AHRR: variants seen among roughly 807,000 people sequenced by gnomAD.
AHRR encodes ahR repressor.
A neutral mutation model predicts 44.0 loss-of-function variants in AHRR; 28 were observed. The observed-to-expected ratio is 0.64, with a 90% CI of 0.47 to 0.87. AHRR has a LOEUF of 0.87. AHRR is among the 40% of genes least tolerant of loss of function. The pLI is 0.00. For missense variants in AHRR, 990 were observed against 953.9 expected, an observed-to-expected ratio of 1.04 and a Z score of -0.50; for synonymous variants, 434 against 407.0, an observed-to-expected ratio of 1.07 and a Z score of -0.80.
Position 433,783 on chromosome 5 carries a change from A to AC in AHRR, c.1113-65dup, listed in dbSNP as rs994390869. 7 of 1,408,668 alleles carry AC rather than the reference A, an allele frequency of 5.0e-6. No individual in the cohort carries two copies. In the Admixed American group the frequency reaches 9.1e-5, roughly 18 times the overall value. 87.3% of individuals were successfully genotyped at this position (1,408,668 alleles called of 1,614,324 possible). On this transcript the variant is annotated intron_variant, in intron 10 of 10. Transcript: ENST00000684583. ...CCTGATTTCGTAGCCTCCCTTAGAG[A>AC]CCCCCACCCAGGGCAGCCAGACCTG...
chr5:432,841 A>G lies in AHRR; in HGVS notation c.1006A>G (p.Arg336Gly), dbSNP rs774539728. Residue 336 changes from arginine to glycine, a missense_variant, in exon 10 of 11, where the codon AGG (arginine) becomes GGG (glycine). By Grantham distance (125) the Arg-to-Gly change is moderately radical. Coordinates refer to ENST00000684583, the MANE Select transcript of AHRR (RefSeq NM_001377236.1). ...CAGAGAGAGCGGCGTTTTGGTGCTCAGGGAACAGACTGACGCTGGCCGATG... is the reference window on the plus strand; with the variant it reads ...CAGAGAGAGCGGCGTTTTGGTGCTCGGGGAACAGACTGACGCTGGCCGATG... ...SSRESGVLVL[R>G]EQTDAGRWAQ... 6.2e-7 allele frequency: 1 copy of G among 1,613,812 alleles called. No individual in the cohort carries two copies.
chr5:324,462 T>TAA (rs201937010), intron 1 of AHRR, among the ~76,000 whole-genome samples: 26 of 142,860 alleles, frequency 1.8e-4, no homozygotes, highest in African/African-American at 6.1e-4. Context: ...ATAAAAAAAT[T>TAA]AAAAAAAAAA....
chr5:366,283 G>C (rs963069574), intron 3 of AHRR, among the ~76,000 whole-genome samples: 2 of 152,132 alleles, frequency 1.3e-5, no homozygotes, highest in African/African-American at 4.8e-5. Context: ...TGGTCACCAG[G>C]GATGAAGACG....
At chr5:416,645 C>T (rs977461111) in intron 5 of AHRR, among the ~76,000 whole-genome samples, 2 of 152,234 alleles carry the variant, frequency 1.3e-5, no homozygotes, top group African/African-American at 4.8e-5. Context: ...GTGCTCAGAT[C>T]CCATGGAGCT....
At chr5:360,327 C>G (rs1347596981) in intron 3 of AHRR, among the ~76,000 whole-genome samples, 1 of 152,238 alleles carries the variant, frequency 6.6e-6, no homozygotes, top group Non-Finnish European at 1.5e-5. Context: ...GCTTTTAGCT[C>G]CAGAAATGTG....
rs1736086287 is a variant in AHRR, at chr5:421,064, TA to T, written c.442-1661del. On this transcript the variant is annotated intron_variant, in intron 5 of 10. Transcript: ENST00000684583. ...AACGTGGCCTATCCACCGCAGCGACTAAAAGATAAAGAGGGAAAAGGACAAA... is the reference window on the plus strand; with the variant it reads ...AACGTGGCCTATCCACCGCAGCGACTAAAGATAAAGAGGGAAAAGGACAAA... The T allele has an allele frequency of 5.7e-6, 3 of 528,562 alleles. No homozygotes were observed. The South Asian group carries it at 6.7e-5, about 12-fold the overall frequency. 32.7% of individuals were successfully genotyped at this position (528,562 alleles called of 1,614,324 possible).
At position 376,617 on chromosome 5, in the gene AHRR, G is replaced by A; in HGVS notation, c.252G>A (p.Gln84=). The change falls in exon 4 of 11, where the codon CAG becomes CAA. Residue 84 remains glutamine, a synonymous_variant. Transcript: ENST00000684583. Reference sequence around the variant, plus strand: ...TCTTTTCTTCTCTGACAGTCGTGCAGGAGCAGAGCTCACGGCAGCCTGCGG... The same window carrying A: ...TCTTTTCTTCTCTGACAGTCGTGCAAGAGCAGAGCTCACGGCAGCCTGCGG... ...LRVKSFFQVV[Q]EQSSRQPAAG... 1 of 1,148,764 alleles carries A rather than the reference G, an allele frequency of 8.7e-7. No individual in the cohort carries two copies. Among genetic ancestry groups the A allele is most frequent in the Non-Finnish European group, 1.1e-6 (1 of 919,290 alleles). The allele number at this position is 1,148,764 out of a possible 1,614,324, so 71.2% of individuals were successfully genotyped here.
intron 3 of AHRR, among the ~76,000 whole-genome samples, chr5:373,884 G>T (rs1423623504): frequency 6.6e-6 from 1 of 151,000 alleles, no homozygotes; most frequent in East Asian, 1.9e-4. Flanking sequence ...CGCGAGGCCT[G>T]GCTGGCCCCA....
At chr5:375,140 C>T (rs1304121760) in intron 3 of AHRR, among the ~76,000 whole-genome samples, 4 of 152,368 alleles carry the variant, frequency 2.6e-5, no homozygotes, top group African/African-American at 9.6e-5. Context: ...TCTCAGGTGA[C>T]AGACACAGTG....
At position 347,447 on chromosome 5, in the gene AHRR, GA is replaced by G. The variant is rs1296680243; in HGVS notation, c.62+3485del. Among the ~76,000 whole-genome samples, 33 of 152,130 alleles carry G rather than the reference GA, an allele frequency of 2.2e-4. 1 individual carries two copies. The highest frequency in any genetic ancestry group is 3.2e-4 in the Non-Finnish European group (22 of 68,036). On this transcript the variant is annotated intron_variant, in intron 2 of 10. Transcript: ENST00000684583. ...TCTCCCTTACTTCAAGTTTATAGGA[GA>G]ATATTCCCATTAGTTCTTCGAATAC...
intron 1 of AHRR, among the ~76,000 whole-genome samples, chr5:332,766 T>G (rs1741972408): frequency 6.6e-6 from 1 of 152,200 alleles, no homozygotes; most frequent in Non-Finnish European, 1.5e-5. Flanking sequence ...AGTAGTGTGT[T>G]GAAGTCCCCA....
chr5:368,766 C>G (rs1220076533), intron 3 of AHRR, among the ~76,000 whole-genome samples: 2 of 152,254 alleles, frequency 1.3e-5, no homozygotes, highest in Non-Finnish European at 2.9e-5. Context: ...GAGGCGCATT[C>G]TCTTGACCAG....
intron 4 of AHRR, among the ~76,000 whole-genome samples, chr5:398,627 T>A (rs1302607910): frequency 2.0e-5 from 3 of 152,024 alleles, no homozygotes; most frequent in Non-Finnish European, 2.9e-5. Flanking sequence ...GTGGAAGGAG[T>A]GTGTTTGTGC....
chr5:414,866 T>C (rs1441233634), intron 5 of AHRR, among the ~76,000 whole-genome samples: 1 of 152,174 alleles, frequency 6.6e-6, no homozygotes, highest in African/African-American at 2.4e-5. Context: ...ACGGGTTTAG[T>C]GTAAGGCAGT....
Position 395,194 on chromosome 5 carries a change from C to T in AHRR, c.352-18150C>T, listed in dbSNP as rs1219874165. ...CCCTCAGCTTTTCTGGGGATCCTGT[C>T]CTCAAGTCCCCCTCCTGCCAGGTGG... is the stretch of plus-strand genomic sequence containing the variant. On this transcript the variant is annotated intron_variant, in intron 4 of 10. Coordinates refer to ENST00000684583, the MANE Select transcript of AHRR (RefSeq NM_001377236.1). The surrounding 1 kb of genome is among the most constrained non-coding windows in gnomAD (Gnocchi z 5.3). Among the ~76,000 whole-genome samples, 1 of 152,214 alleles carries T rather than the reference C, an allele frequency of 6.6e-6. No individual in the cohort carries two copies. The highest frequency in any genetic ancestry group is 1.5e-5 in the Non-Finnish European group (1 of 68,026).
In AHRR at chr5:434,127, C is replaced by T. The variant is rs779590183; in HGVS notation, c.1387C>T (p.Arg463Trp). ...CCCGTCCCCCAGTGCCTACTCCAGC[C>T]GGACCAGCAGACCCATGCGGGATGT... ...PSPSPSAYSSRTSRPMRDVGE... is the reference protein window; with the variant it reads ...PSPSPSAYSSWTSRPMRDVGE... The change falls in exon 11 of 11, where the codon CGG becomes TGG. Residue 463 changes from arginine to tryptophan, a missense_variant. Physicochemically the swap from Arg to Trp is moderately radical, Grantham distance 101 (BLOSUM62 -3). Coordinates refer to ENST00000684583, the MANE Select transcript of AHRR (RefSeq NM_001377236.1). 1.3e-5 allele frequency: 21 copies of T among 1,612,452 alleles called. No homozygotes were observed. The highest frequency in any genetic ancestry group is 5.3e-5 in the African/African-American group (4 of 74,924).
At chr5:348,888 G>A (rs1304239827) in intron 2 of AHRR, among the ~76,000 whole-genome samples, 1 of 152,222 alleles carries the variant, frequency 6.6e-6, no homozygotes, top group Non-Finnish European at 1.5e-5. Context: ...GCAGGTGCAC[G>A]TTTAACTGTT....
chr5:424,961 C>T (rs1736319547), intron 7 of AHRR, among the ~76,000 whole-genome samples: 1 of 152,248 alleles, frequency 6.6e-6, no homozygotes, highest in African/African-American at 2.4e-5. Flanking sequence ...ACAGTCAGCC[C>T]TGGGTCATGG....
intron 10 of AHRR, among the ~76,000 whole-genome samples, 175 bp downstream of exon 10, chr5:433,122 C>T (rs1415721342): frequency 1.3e-5 from 2 of 152,340 alleles, no homozygotes; most frequent in Middle Eastern, 3.4e-3. Context: ...CACAGCTTCC[C>T]GGACTGGAAG....
Sources: gnomAD v4.1 joint callset for allele counts (sites outside exome capture counted in the v4.1 genomes callset) on GRCh38, gnomAD v4.1.1 for gene constraint, Gnocchi (gnomAD v3.1) non-coding constraint, MANE v1.5 for transcripts, NCBI Gene and HGNC (gene_info 2026-07-23, HGNC 2026-07-21) for gene names.